The following FAM168A variants were observed in gnomAD, a reference collection of about 807,000 sequenced individuals.
FAM168A encodes protein FAM168A.
A neutral mutation model predicts 28.5 loss-of-function variants in FAM168A; 3 were observed. The ratio of observed to expected loss-of-function variants is 0.11; its 90% CI spans 0.05 to 0.27. FAM168A has a LOEUF of 0.27. Among genes scored for constraint, FAM168A ranks in the 10% least tolerant of loss-of-function variants. FAM168A has a pLI of 1.00. For synonymous variants in FAM168A, 122 were observed against 124.2 expected (o/e 0.98, Z 0.12); for missense variants, 222 against 311.5 (o/e 0.71, Z 2.16).
chr11:73,523,678 G>A (rs746934193), intron 1 of FAM168A, among the ~76,000 whole-genome samples: 41 of 152,032 alleles, frequency 2.7e-4, no homozygotes, highest in Non-Finnish European at 2.9e-4. Context: ...ACTCTTCCTG[G>A]ACCCAAGCCA....
chr11:73,470,263 CAAT>C (rs200965194), intron 1 of FAM168A, among the ~76,000 whole-genome samples: 2 of 152,138 alleles, frequency 1.3e-5, no homozygotes, highest in East Asian at 1.9e-4. Context: ...CAAATGTAAA[CAAT>C]GATGATGTGG....
intron 1 of FAM168A, among the ~76,000 whole-genome samples, chr11:73,576,642 A>G (rs1944179725): frequency 6.6e-6 from 1 of 152,164 alleles, no homozygotes; most frequent in African/African-American, 2.4e-5. Flanking sequence ...TGTTTTCTAC[A>G]TGCCCCCCAA....
intron 1 of FAM168A, among the ~76,000 whole-genome samples, chr11:73,525,699 C>A (rs185687248): frequency 1.3e-5 from 2 of 152,306 alleles, no homozygotes; most frequent in Admixed American, 1.3e-4. Flanking sequence ...TCCTCTGCAG[C>A]CTAAGTTTTC....
chr11:73,513,897 G>A (rs1313303400), intron 1 of FAM168A, among the ~76,000 whole-genome samples: 1 of 152,040 alleles, frequency 6.6e-6, no homozygotes, highest in Non-Finnish European at 1.5e-5. Context: ...TAAAATGGAG[G>A]TAGTGGCCAG....
intron 1 of FAM168A, among the ~76,000 whole-genome samples, chr11:73,522,191 T>C (rs1366560142): frequency 1.2e-5 from 1 of 84,938 alleles, no homozygotes; most frequent in Non-Finnish European, 2.3e-5. Context: ...TAAAGGGGTA[T>C]CTCTAGTCCA....
At chr11:73,528,834 G>C (rs1262783001) in intron 1 of FAM168A, among the ~76,000 whole-genome samples, 1 of 152,046 alleles carries the variant, frequency 6.6e-6, no homozygotes, top group Non-Finnish European at 1.5e-5. Flanking sequence ...TGTTGGCCCA[G>C]GAGCAACAAC....
intron 2 of FAM168A, among the ~76,000 whole-genome samples, chr11:73,463,489 A>T (rs953442892): frequency 4.6e-5 from 7 of 152,210 alleles, no homozygotes; most frequent in African/African-American, 1.7e-4. Context: ...AGCATGAGAC[A>T]TTCATGGAGG....
At chr11:73,564,234 G>A (rs1428715591) in intron 1 of FAM168A, among the ~76,000 whole-genome samples, 3 of 152,164 alleles carry the variant, frequency 2.0e-5, no homozygotes, top group Admixed American at 2.0e-4. Flanking sequence ...CATAACACTA[G>A]AGCTAAGAAA....
intron 1 of FAM168A, among the ~76,000 whole-genome samples, chr11:73,553,911 C>T (rs1943858229): frequency 6.6e-6 from 1 of 152,148 alleles, no homozygotes; most frequent in Non-Finnish European, 1.5e-5. Flanking sequence ...ATAGTTTGAG[C>T]CCAGGAGGCG....
intron 1 of FAM168A, among the ~76,000 whole-genome samples, chr11:73,545,012 AT>A (rs1943724127): frequency 1.2e-5 from 1 of 82,208 alleles, no homozygotes; most frequent in African/African-American, 8.9e-5. Context: ...AATATACTAT[AT>A]ATATAGTATA....
At chr11:73,504,369 G>A (rs1855067322) in intron 1 of FAM168A, among the ~76,000 whole-genome samples, 1 of 152,130 alleles carries the variant, frequency 6.6e-6, no homozygotes, top group Non-Finnish European at 1.5e-5. Flanking sequence ...CTTCTCAAAA[G>A]AAGACATTTA....
Position 73,491,015 on chromosome 11 carries a change from T to C in FAM168A, c.-18-22523A>G, listed in dbSNP as rs182995662. 3.6e-3 allele frequency among the ~76,000 whole-genome samples: 553 copies of C among 152,296 alleles called. 2 individuals carry two copies. Among genetic ancestry groups the C allele is most frequent in the African/African-American group, 0.013 (521 of 41,550 alleles). Reference sequence around the variant, plus strand: ...TCTATGACTCAGATGATACACAGATTATACATAATGAAAGCTCCCATTAGT... The same window carrying C: ...TCTATGACTCAGATGATACACAGATCATACATAATGAAAGCTCCCATTAGT... On this transcript the variant is annotated intron_variant, in intron 1 of 7. Transcript: ENST00000356467.
rs192257206 is a variant in FAM168A at position 73,470,365 on chromosome 11, G to A, written c.-18-1873C>T. Among the ~76,000 whole-genome samples the A allele has an allele frequency of 5.1e-4, 78 of 152,252 alleles. 1 individual carries two copies. Among genetic ancestry groups the A allele is most frequent in the African/African-American group, 1.7e-3 (71 of 41,526 alleles). ...CTCTTCTACCCAACCAGTTCTCTGCGTGGTACATCAGGATGAGAAAGACTG... is the reference window on the plus strand; with the variant it reads ...CTCTTCTACCCAACCAGTTCTCTGCATGGTACATCAGGATGAGAAAGACTG... On this transcript the variant is annotated intron_variant, in intron 1 of 7. Coordinates refer to ENST00000356467, the MANE Select transcript of FAM168A (RefSeq NM_015159.3).
intron 2 of FAM168A, among the ~76,000 whole-genome samples, chr11:73,465,330 T>C (rs964621185): frequency 2.6e-5 from 4 of 151,336 alleles, no homozygotes; most frequent in Non-Finnish European, 5.9e-5. Flanking sequence ...TGTTGAGGTC[T>C]TGACTACACT....
intron 1 of FAM168A, among the ~76,000 whole-genome samples, chr11:73,529,796 C>CTTT (rs772530179): frequency 0.079 from 10,063 of 127,400 alleles, 540 homozygotes; most frequent in Admixed American, 0.11. Flanking sequence ...ACTTTTTCTT[C>CTTT]TTTTTTTTTT....
chr11:73,501,983 CCCAG>C (rs1855017608), intron 1 of FAM168A, among the ~76,000 whole-genome samples: 1 of 151,896 alleles, frequency 6.6e-6, no homozygotes, highest in Non-Finnish European at 1.5e-5. Context: ...CGCCTGTAGT[CCCAG>C]CTACTCAGGA....
chr11:73,455,480 A>G (rs1372205458), intron 2 of FAM168A, among the ~76,000 whole-genome samples: 1 of 152,160 alleles, frequency 6.6e-6, no homozygotes, highest in Non-Finnish European at 1.5e-5. Context: ...CAATTTGTAC[A>G]TTTATTTATT....
chr11:73,420,796 A>G (rs1438435259), intron 3 of FAM168A: 1 of 152,496 alleles, frequency 6.6e-6, no homozygotes, highest in Admixed American at 6.5e-5. Flanking sequence ...AAGATCTGCA[A>G]AGACTTCCCA....
At chr11:73,505,940 T>C (rs1855108192) in intron 1 of FAM168A, among the ~76,000 whole-genome samples, 1 of 152,194 alleles carries the variant, frequency 6.6e-6, no homozygotes, top group Non-Finnish European at 1.5e-5. Context: ...GCTTCTGCTA[T>C]TGGAACTGAG....
Sources: allele counts gnomAD v4.1 joint callset (sites outside exome capture counted in the v4.1 genomes callset), GRCh38; gene constraint gnomAD v4.1.1; transcripts MANE v1.5; gene names NCBI Gene and HGNC (gene_info 2026-07-23, HGNC 2026-07-21).